SUFU: variants seen among roughly 807,000 people sequenced by gnomAD.
SUFU encodes SUFU negative regulator of hedgehog signaling, also known as suppressor of fused homolog.
In SUFU, 7 loss-of-function variants were observed where a neutral mutation model predicts 58.9. That is an observed-to-expected ratio of 0.12 (90% confidence interval 0.07 to 0.22). SUFU has a LOEUF of 0.22. Among genes scored for constraint, SUFU ranks in the 10% least tolerant of loss-of-function variants. The pLI, the probability that SUFU is intolerant of heterozygous loss-of-function variation, is 1.00. For synonymous variants in SUFU, 232 were observed against 254.8 expected (o/e 0.91, Z 0.85); for missense variants, 451 against 641.3 (o/e 0.70, Z 3.20).
chr10:102,564,646 T>C (rs2063070449), intron 3 of SUFU, among the ~76,000 whole-genome samples: 1 of 152,188 alleles, frequency 6.6e-6, no homozygotes, highest in Admixed American at 6.5e-5. Context: ...AGCTCTCGTT[T>C]CCTGGTTTCG....
At chr10:102,534,976 A>G (rs1169716479) in intron 2 of SUFU, among the ~76,000 whole-genome samples, 1 of 152,080 alleles carries the variant, frequency 6.6e-6, no homozygotes, top group Admixed American at 6.6e-5. Flanking sequence ...CTGCAGGTCT[A>G]TACCACCCAT....
intron 3 of SUFU, among the ~76,000 whole-genome samples, chr10:102,591,876 C>T (rs925123777): frequency 2.0e-5 from 3 of 152,164 alleles, no homozygotes; most frequent in Admixed American, 2.0e-4. Flanking sequence ...GCTTGAAGTG[C>T]AGTGGTGAGC....
At chr10:102,509,608 G>C (rs1048722732) in intron 2 of SUFU, among the ~76,000 whole-genome samples, 6 of 152,104 alleles carry the variant, frequency 3.9e-5, no homozygotes, top group Admixed American at 3.9e-4. Flanking sequence ...TGATGCCTCT[G>C]TGTCTACTTC....
chr10:102,525,867 C>A (rs979367621), intron 2 of SUFU, among the ~76,000 whole-genome samples: 8 of 152,110 alleles, frequency 5.3e-5, no homozygotes, highest in African/African-American at 1.9e-4. Context: ...GCTGAGGATA[C>A]CATGGAAAGC....
chr10:102,513,552 A>G (rs892275464), intron 2 of SUFU, among the ~76,000 whole-genome samples: 1 of 152,254 alleles, frequency 6.6e-6, no homozygotes, highest in Non-Finnish European at 1.5e-5. Flanking sequence ...AAAGATGGTT[A>G]TAATATTGAG....
At chr10:102,551,717 CTTTTTTTTTTT>C (rs771685480) in intron 3 of SUFU, among the ~76,000 whole-genome samples, 2 of 68,714 alleles carry the variant, frequency 2.9e-5, no homozygotes, top group Non-Finnish European at 2.6e-5. Context: ...TATGTGCCTT[CTTTTTTTTTTT>C]TTTTTTTTTT....
chr10:102,572,001 C>T (rs181052255), intron 3 of SUFU, among the ~76,000 whole-genome samples: 154 of 152,236 alleles, frequency 1.0e-3, no homozygotes, highest in African/African-American at 3.3e-3. Flanking sequence ...AAGAGTCTGA[C>T]GTTTGTGTAG....
chr10:102,523,303 C>G (rs2062572334), intron 2 of SUFU, among the ~76,000 whole-genome samples: 1 of 152,202 alleles, frequency 6.6e-6, no homozygotes, highest in African/African-American at 2.4e-5. Flanking sequence ...TACTAACCCT[C>G]ATGTGATACC....
chr10:102,587,434 A>G (rs915497426), intron 3 of SUFU, among the ~76,000 whole-genome samples: 8 of 152,156 alleles, frequency 5.3e-5, no homozygotes, highest in African/African-American at 1.7e-4. Flanking sequence ...TGATATCTCA[A>G]AAGTGATTTT....
intron 2 of SUFU, among the ~76,000 whole-genome samples, chr10:102,535,396 G>T (rs1297032415): frequency 6.6e-6 from 1 of 151,218 alleles, no homozygotes; most frequent in African/African-American, 2.4e-5. Flanking sequence ...TGAAGCAGGA[G>T]AATCTCTTGA....
At chr10:102,600,500 G>A in intron 8 of SUFU, among the ~76,000 whole-genome samples, 1 of 152,170 alleles carries the variant, frequency 6.6e-6, no homozygotes, top group East Asian at 1.9e-4. Context: ...CTGTCGATGT[G>A]ATTTGTTGGA....
chr10:102,577,491 A>G (rs2063224629), intron 3 of SUFU, among the ~76,000 whole-genome samples: 1 of 152,004 alleles, frequency 6.6e-6, no homozygotes, highest in African/African-American at 2.4e-5. Context: ...GGCATGTGCC[A>G]CCACACCTGG....
intron 10 of SUFU, chr10:102,618,777 C>T: frequency 2.0e-6 from 1 of 510,094 alleles, no homozygotes; most frequent in African/African-American, 1.9e-5. Context: ...CCTCCATTCC[C>T]TACCCCCAGC....
intron 2 of SUFU, among the ~76,000 whole-genome samples, chr10:102,524,802 C>T (rs1229516925): frequency 6.6e-6 from 1 of 152,176 alleles, no homozygotes; most frequent in African/African-American, 2.4e-5. Context: ...GTGCTTTATC[C>T]ATTAATGTTT....
At chr10:102,542,569 C>T (rs932524212) in intron 2 of SUFU, among the ~76,000 whole-genome samples, 12 of 152,028 alleles carry the variant, frequency 7.9e-5, no homozygotes, top group African/African-American at 2.7e-4. Flanking sequence ...GCCACCATGC[C>T]TGGCTCCTAT....
intron 3 of SUFU, among the ~76,000 whole-genome samples, chr10:102,553,758 C>G (rs1017475895): frequency 6.7e-6 from 1 of 150,168 alleles, no homozygotes; most frequent in Non-Finnish European, 1.5e-5. Context: ...CCACCGCGCC[C>G]GGCCACAAAG....
At chr10:102,616,951 C>T (rs1247820616) in intron 9 of SUFU, among the ~76,000 whole-genome samples, 3 of 152,226 alleles carry the variant, frequency 2.0e-5, no homozygotes, top group African/African-American at 7.2e-5. Flanking sequence ...TGGGCATGAC[C>T]TTCAGCACAT....
rs2063827462 is a variant in SUFU at position 102,630,390 on chromosome 10, G to C, written c.*235G>C. The C allele has an allele frequency of 1.7e-6, 1 of 573,566 alleles. No individual in the cohort carries two copies. The highest frequency in any genetic ancestry group is 3.1e-6 in the Non-Finnish European group (1 of 319,860). 35.5% of individuals were successfully genotyped at this position (573,566 alleles called of 1,614,324 possible). ...CTAAGCCTTGTGACCCATCAGGCCA[G>C]TGAGTGGGCAAATGCGGACCCTCCC... On this transcript the variant is annotated 3_prime_UTR_variant, in exon 12 of 12. Coordinates refer to ENST00000369902, the MANE Select transcript of SUFU (RefSeq NM_016169.4).
chr10:102,580,387 A>C (rs557861323), intron 3 of SUFU, among the ~76,000 whole-genome samples: 1 of 152,180 alleles, frequency 6.6e-6, no homozygotes, highest in Non-Finnish European at 1.5e-5. Context: ...TTTCTGTCCC[A>C]GTTCCTAGTG....
Sources: gnomAD v4.1 joint callset for allele counts (sites outside exome capture counted in the v4.1 genomes callset) on GRCh38, gnomAD v4.1.1 for gene constraint, MANE v1.5 for transcripts, NCBI Gene and HGNC (gene_info 2026-07-23, HGNC 2026-07-21) for gene names.